The following PPM1B variants were observed in gnomAD, a reference collection of about 807,000 sequenced individuals.
PPM1B encodes protein phosphatase, Mg2+/Mn2+ dependent 1B.
PPM1B carries 22 observed loss-of-function variants against 43.0 expected under a neutral mutation model. That is an observed-to-expected ratio of 0.51 (90% CI 0.37 to 0.73). The LOEUF (loss-of-function observed/expected upper bound fraction) is 0.73, where lower values mean the gene tolerates loss of function less well. Ranked by LOEUF, PPM1B falls within the 30% of genes least tolerant of loss-of-function variation. The pLI is 0.00. For missense variants in PPM1B, 632 were observed against 584.2 expected, an observed-to-expected ratio of 1.08 and a Z score of -0.84; for synonymous variants, 217 against 197.9, an observed-to-expected ratio of 1.10 and a Z score of -0.81.
At chr2:44,186,646 A>G (rs984791086) in intron 1 of PPM1B, among the ~76,000 whole-genome samples, 1 of 152,224 alleles carries the variant, frequency 6.6e-6, no homozygotes, top group Admixed American at 6.5e-5. Flanking sequence ...AACTGCTGGG[A>G]TTATTGGCGT....
chr2:44,231,476 A>G, downstream of PPM1B: 1 of 964,008 alleles, frequency 1.0e-6, no homozygotes, highest in Non-Finnish European at 1.2e-6. Context: ...TAATCTATGC[A>G]TGTTGTACTT....
intron 5 of PPM1B, 22 bp downstream of exon 5, chr2:44,218,559 A>G (rs368428609): frequency 1.2e-5 from 18 of 1,481,916 alleles, no homozygotes; most frequent in Middle Eastern, 3.5e-4. Context: ...TTTATTTCAT[A>G]AGCATTTGAA....
intron 1 of PPM1B, among the ~76,000 whole-genome samples, chr2:44,170,974 T>C (rs1449471850): frequency 6.6e-5 from 10 of 152,244 alleles, no homozygotes; most frequent in Non-Finnish European, 2.9e-5. Context: ...ATGGTTGTTG[T>C]GTTTTCGCCT....
chr2:44,171,828 T>G (rs1364968491), intron 1 of PPM1B, among the ~76,000 whole-genome samples: 2 of 38,720 alleles, frequency 5.2e-5, no homozygotes, highest in Admixed American at 3.1e-4. Flanking sequence ...AGACTCTGTC[T>G]CAAAAAAAAA....
chr2:44,181,717 G>T (rs1394987313), intron 1 of PPM1B, among the ~76,000 whole-genome samples: 1 of 152,188 alleles, frequency 6.6e-6, no homozygotes, highest in African/African-American at 2.4e-5. Context: ...TATGAAGGTG[G>T]CTTGGGTGCA....
intron 5 of PPM1B, among the ~76,000 whole-genome samples, chr2:44,224,311 C>T (rs990394788): frequency 1.1e-4 from 16 of 151,966 alleles, no homozygotes; most frequent in South Asian, 6.2e-4. Context: ...AAAAATTAGC[C>T]GGGCGTGGTG....
intron 5 of PPM1B, among the ~76,000 whole-genome samples, chr2:44,221,297 ATAATCAC>A (rs1314023127): frequency 6.6e-6 from 1 of 152,230 alleles, no homozygotes; most frequent in East Asian, 1.9e-4. Context: ...GCCTTTCACA[ATAATCAC>A]TAACTTAGAA....
intron 3 of PPM1B, among the ~76,000 whole-genome samples, chr2:44,209,624 A>C (rs1027611277): frequency 2.0e-5 from 3 of 152,072 alleles, no homozygotes; most frequent in African/African-American, 7.2e-5. Flanking sequence ...AAAAATACAG[A>C]AAATTAGCCG....
intron 1 of PPM1B, among the ~76,000 whole-genome samples, chr2:44,190,862 C>G (rs1054557676): frequency 3.9e-5 from 6 of 152,032 alleles, no homozygotes; most frequent in Admixed American, 2.6e-4. Context: ...ATAAATTGTA[C>G]AATTATTGTG....
intron 1 of PPM1B, among the ~76,000 whole-genome samples, chr2:44,199,777 A>G (rs1262621285): frequency 1.3e-5 from 2 of 152,250 alleles, no homozygotes; most frequent in Non-Finnish European, 2.9e-5. Context: ...CTTTTTCTAT[A>G]AATACATTTG....
intron 3 of PPM1B, among the ~76,000 whole-genome samples, chr2:44,210,192 T>C (rs1572728229): frequency 6.6e-6 from 1 of 151,914 alleles, no homozygotes; most frequent in Non-Finnish European, 1.5e-5. Flanking sequence ...TTACATATTT[T>C]TTTAAACTTC....
intron 5 of PPM1B, among the ~76,000 whole-genome samples, chr2:44,227,523 T>TG (rs1670272475): frequency 6.6e-6 from 1 of 151,480 alleles, no homozygotes; most frequent in African/African-American, 2.4e-5. Flanking sequence ...ATCATCTTTT[T>TG]TTTTTTTTTT....
At chr2:44,227,030 G>C (rs974645938) in intron 5 of PPM1B, among the ~76,000 whole-genome samples, 1 of 151,720 alleles carries the variant, frequency 6.6e-6, no homozygotes, top group African/African-American at 2.4e-5. Context: ...CTGGAGTGTA[G>C]AGGCATGAAC....
intron 2 of PPM1B, among the ~76,000 whole-genome samples, chr2:44,205,173 T>C (rs545430157): frequency 5.9e-4 from 90 of 152,322 alleles, no homozygotes; most frequent in South Asian, 5.2e-3. Flanking sequence ...AATAAAAAGT[T>C]TTTTTAATTT....
At chr2:44,203,748 G>A (rs921838563) in intron 2 of PPM1B, among the ~76,000 whole-genome samples, 7 of 152,066 alleles carry the variant, frequency 4.6e-5, no homozygotes, top group Admixed American at 2.6e-4. Flanking sequence ...TCTTGGCTGC[G>A]TAGTATTTTA....
At chr2:44,200,713 A>G (rs1226677813) in intron 1 of PPM1B, among the ~76,000 whole-genome samples, 1 of 152,226 alleles carries the variant, frequency 6.6e-6, no homozygotes, top group Non-Finnish European at 1.5e-5. Context: ...AAAGTATATT[A>G]GTATACCTTC....
downstream of PPM1B, among the ~76,000 whole-genome samples, chr2:44,238,648 G>C (rs1014398018): frequency 2.0e-5 from 3 of 151,914 alleles, no homozygotes; most frequent in African/African-American, 7.3e-5. Flanking sequence ...GTTGCAGTGA[G>C]CCAAAATCGT....
At chr2:44,186,020 T>C (rs962631050) in intron 1 of PPM1B, among the ~76,000 whole-genome samples, 6 of 152,286 alleles carry the variant, frequency 3.9e-5, no homozygotes, top group African/African-American at 1.4e-4. Context: ...AGTTTACTGA[T>C]GGGTGGAGTT....
intron 1 of PPM1B, among the ~76,000 whole-genome samples, chr2:44,176,198 A>G (rs544480689): frequency 3.1e-4 from 47 of 152,322 alleles, no homozygotes; most frequent in Non-Finnish European, 5.1e-4. Context: ...CCTTGGATAG[A>G]TGAGTTCCTG....
Sources: gnomAD v4.1 joint callset for allele counts (sites outside exome capture counted in the v4.1 genomes callset) on GRCh38, gnomAD v4.1.1 for gene constraint, MANE v1.5 for transcripts, NCBI Gene and HGNC (gene_info 2026-07-23, HGNC 2026-07-21) for gene names.